The following SLC25A21 variants were observed in gnomAD, a reference collection of about 807,000 sequenced individuals.
SLC25A21 encodes the protein solute carrier family 25 member 21.
In SLC25A21, 47 loss-of-function variants were observed where a neutral mutation model predicts 43.8. The ratio of observed to expected loss-of-function variants is 1.07; its 90% CI spans 0.85 to 1.37. The LOEUF (loss-of-function observed/expected upper bound fraction) is 1.37. Ranked by LOEUF, SLC25A21 falls within the 40% of genes most tolerant of loss-of-function variation. SLC25A21 has a pLI of 0.00. For synonymous variants in SLC25A21, 131 were observed against 121.3 expected (o/e 1.08, Z -0.52); for missense variants, 352 against 350.2 (o/e 1.00, Z -0.04).
chr14:36,694,572 CTT>C (rs895714664), intron 7 of SLC25A21, among the ~76,000 whole-genome samples: 21 of 152,174 alleles, frequency 1.4e-4, no homozygotes, highest in African/African-American at 2.6e-4. Flanking sequence ...TCCAGCATCT[CTT>C]GTTTCCTGAC....
At chr14:36,685,706 G>T (rs1210186077) in intron 7 of SLC25A21, among the ~76,000 whole-genome samples, 1 of 152,162 alleles carries the variant, frequency 6.6e-6, no homozygotes, top group Non-Finnish European at 1.5e-5. Context: ...GGTCTGATTT[G>T]ATTTTCCACC....
chr14:36,822,793 G>A (rs1888681116), intron 2 of SLC25A21, among the ~76,000 whole-genome samples: 1 of 152,122 alleles, frequency 6.6e-6, no homozygotes, highest in Non-Finnish European at 1.5e-5. Flanking sequence ...ACATCTAATT[G>A]CAGTTCCTTT....
chr14:37,087,527 T>C (rs549821970), intron 1 of SLC25A21, among the ~76,000 whole-genome samples: 1 of 152,328 alleles, frequency 6.6e-6, no homozygotes, highest in East Asian at 1.9e-4. Context: ...GAGCACTAAC[T>C]AAAAATTATA....
intron 3 of SLC25A21, among the ~76,000 whole-genome samples, chr14:36,763,432 G>A (rs1045698950): frequency 5.9e-5 from 9 of 152,294 alleles, no homozygotes; most frequent in African/African-American, 2.2e-4. Context: ...CCACTGGGAG[G>A]GAGAGGATAT....
chr14:37,028,580 G>A (rs972655478), intron 1 of SLC25A21, among the ~76,000 whole-genome samples: 3 of 152,136 alleles, frequency 2.0e-5, no homozygotes, highest in African/African-American at 4.8e-5. Context: ...AAACAAGACT[G>A]TAAGTTTTGG....
Position 36,813,947 on chromosome 14 carries a change from G to A in SLC25A21, c.174C>T (p.Asp58=), listed in dbSNP as rs751550255. 6.2e-7 allele frequency: 1 copy of A among 1,609,274 alleles called. No homozygotes were observed. Among genetic ancestry groups the A allele is most frequent in the East Asian group, 2.2e-5 (1 of 44,582 alleles). ...TDPNSYKSLV[D]SFRMIFQMEG... is the part of the protein sequence containing the mutation. ...CCATTTGGAAAATCATTCGAAAGCT[G>A]TCTACCAAGCTTTTATAACTGTTTG... Residue 58 remains aspartate, a synonymous_variant, in exon 3 of 10, where the codon GAC becomes GAT. Transcript: ENST00000331299.
At chr14:37,091,742 T>C (rs1409047724) in intron 1 of SLC25A21, among the ~76,000 whole-genome samples, 1 of 152,182 alleles carries the variant, frequency 6.6e-6, no homozygotes, top group East Asian at 1.9e-4. Flanking sequence ...AAATATGATA[T>C]CTGCAAATAA....
intron 1 of SLC25A21, among the ~76,000 whole-genome samples, chr14:36,952,740 G>T (rs184696570): frequency 4.6e-5 from 7 of 152,294 alleles, no homozygotes; most frequent in South Asian, 2.1e-4. Flanking sequence ...ATTCCTTAGC[G>T]TTGTGACAAT....
At chr14:36,968,034 A>T (rs1449296927) in intron 1 of SLC25A21, among the ~76,000 whole-genome samples, 1 of 152,250 alleles carries the variant, frequency 6.6e-6, no homozygotes, top group Non-Finnish European at 1.5e-5. Flanking sequence ...AGAGAGCAGC[A>T]GTTAAGAAAG....
intron 6 of SLC25A21, among the ~76,000 whole-genome samples, chr14:36,718,485 C>T (rs191447556): frequency 3.1e-4 from 47 of 151,334 alleles, no homozygotes; most frequent in Non-Finnish European, 6.3e-4. Context: ...CAGAGCCACA[C>T]GCTCACTCTC....
chr14:37,011,481 G>T (rs185277761), intron 1 of SLC25A21, among the ~76,000 whole-genome samples: 15 of 152,248 alleles, frequency 9.9e-5, no homozygotes, highest in Admixed American at 9.2e-4. Context: ...GGAATAAATT[G>T]ATAAAACCAT....
intron 1 of SLC25A21, among the ~76,000 whole-genome samples, chr14:37,116,821 C>G (rs764571264): frequency 6.6e-6 from 1 of 152,106 alleles, no homozygotes; most frequent in South Asian, 2.1e-4. Context: ...AACTACACAT[C>G]TTTTTGTATG....
chr14:36,805,458 C>T (rs1888004518), intron 3 of SLC25A21, among the ~76,000 whole-genome samples: 1 of 152,172 alleles, frequency 6.6e-6, no homozygotes, highest in East Asian at 1.9e-4. Context: ...CCTGGGATGC[C>T]GCCCTCTGAG....
intron 1 of SLC25A21, among the ~76,000 whole-genome samples, chr14:36,940,227 T>C (rs1464881908): frequency 5.9e-5 from 9 of 152,224 alleles, no homozygotes; most frequent in Admixed American, 1.3e-4. Flanking sequence ...AGTTTGGAGT[T>C]GAAAAGGAAG....
At chr14:37,159,584 G>T (rs1298872443) in intron 1 of SLC25A21, among the ~76,000 whole-genome samples, 7 of 152,000 alleles carry the variant, frequency 4.6e-5, no homozygotes, top group Admixed American at 6.6e-5. Context: ...ACTCAAAATG[G>T]ATTAAACACT....
chr14:37,136,013 T>C (rs1434181239), intron 1 of SLC25A21, among the ~76,000 whole-genome samples: 1 of 152,194 alleles, frequency 6.6e-6, no homozygotes, highest in Non-Finnish European at 1.5e-5. Context: ...TATATTAATG[T>C]TATCTGTCTT....
chr14:36,840,303 G>C (rs1362202538), intron 2 of SLC25A21, among the ~76,000 whole-genome samples: 1 of 152,012 alleles, frequency 6.6e-6, no homozygotes, highest in Non-Finnish European at 1.5e-5. Context: ...TGTGAGTAGA[G>C]GGAAGAGACT....
intron 1 of SLC25A21, among the ~76,000 whole-genome samples, chr14:37,146,813 T>G (rs1396172064): frequency 6.6e-6 from 1 of 152,228 alleles, no homozygotes; most frequent in Non-Finnish European, 1.5e-5. Flanking sequence ...AAGTGTGACA[T>G]GTCTCATGTT....
intron 3 of SLC25A21, among the ~76,000 whole-genome samples, chr14:36,744,112 C>A (rs572216092): frequency 1.3e-5 from 2 of 152,206 alleles, no homozygotes; most frequent in Admixed American, 6.5e-5. Context: ...GACCATACTG[C>A]CCAAAGTAAT....
Sources: allele counts gnomAD v4.1 joint callset (sites outside exome capture counted in the v4.1 genomes callset), GRCh38; gene constraint gnomAD v4.1.1; transcripts MANE v1.5; gene names NCBI Gene and HGNC (gene_info 2026-07-23, HGNC 2026-07-21).